The following NTM variants were observed in gnomAD, a reference collection of about 807,000 sequenced individuals.
The protein encoded by NTM is IgLON family member 2.
A neutral mutation model predicts 42.1 loss-of-function variants in NTM; 13 were observed. That is an observed-to-expected ratio of 0.31 (90% CI 0.20 to 0.49). The LOEUF is 0.49. Ranked by LOEUF, NTM falls within the 20% of genes least tolerant of loss-of-function variation. NTM has a pLI of 0.99. For synonymous variants in NTM, 187 were observed against 179.2 expected (o/e 1.04, Z -0.35); for missense variants, 373 against 452.8 (o/e 0.82, Z 1.60).
chr11:132,215,965 C>G (rs1263137328), intron 4 of NTM, among the ~76,000 whole-genome samples: 1 of 152,192 alleles, frequency 6.6e-6, no homozygotes, highest in Non-Finnish European at 1.5e-5. Flanking sequence ...GGTGCACAGG[C>G]ACCGTTGGTG....
At chr11:131,685,237 A>G (rs1188151144) in intron 1 of NTM, among the ~76,000 whole-genome samples, 2 of 151,296 alleles carry the variant, frequency 1.3e-5, no homozygotes, top group African/African-American at 4.9e-5. Context: ...GCACTGCCCA[A>G]CCCCAGTCAG....
At chr11:132,206,264 G>C (rs997673737) in intron 3 of NTM, among the ~76,000 whole-genome samples, 2 of 152,158 alleles carry the variant, frequency 1.3e-5, no homozygotes, top group African/African-American at 4.8e-5. Flanking sequence ...GTCACTGCCT[G>C]TAGGATAGAG....
intron 1 of NTM, among the ~76,000 whole-genome samples, chr11:131,466,384 T>C (rs2136145882): frequency 6.6e-6 from 1 of 152,330 alleles, no homozygotes; most frequent in African/African-American, 2.4e-5. Context: ...TATTATTATC[T>C]CCATCTTAGA....
intron 1 of NTM, among the ~76,000 whole-genome samples, chr11:131,818,028 G>A (rs1011238241): frequency 1.5e-4 from 23 of 152,154 alleles, no homozygotes; most frequent in African/African-American, 5.3e-4. Context: ...GGGGGAGCAG[G>A]GGTGTTGACA....
intron 1 of NTM, among the ~76,000 whole-genome samples, chr11:131,845,337 G>T: frequency 6.6e-6 from 1 of 152,088 alleles, no homozygotes; most frequent in Non-Finnish European, 1.5e-5. Flanking sequence ...GGGGGAGCTT[G>T]TGTTTGTATT....
At chr11:131,794,755 G>C (rs527853320) in intron 1 of NTM, 3 of 985,210 alleles carry the variant, frequency 3.0e-6, no homozygotes, top group Non-Finnish European at 3.6e-6. Context: ...TAGAACAATG[G>C]TGAGCTCCAC....
intron 2 of NTM, among the ~76,000 whole-genome samples, chr11:132,092,288 C>T (rs1486179540): frequency 2.0e-5 from 3 of 152,146 alleles, no homozygotes; most frequent in South Asian, 2.1e-4. Context: ...TACTTGTTGT[C>T]GCTTCTTTTT....
At chr11:131,990,581 TAAC>T (rs1204524159) in intron 2 of NTM, among the ~76,000 whole-genome samples, 15 of 152,196 alleles carry the variant, frequency 9.9e-5, no homozygotes, top group Non-Finnish European at 1.9e-4. Context: ...CACAAAACCT[TAAC>T]AAAATGTTCC....
At chr11:132,323,594 G>A (rs1439988480) in intron 7 of NTM, among the ~76,000 whole-genome samples, 3 of 151,934 alleles carry the variant, frequency 2.0e-5, no homozygotes, top group Non-Finnish European at 2.9e-5. Flanking sequence ...TTCTACCAGA[G>A]GTACAAGGAG....
At chr11:131,395,755 C>T (rs1024712179) in intron 1 of NTM, among the ~76,000 whole-genome samples, 2 of 152,174 alleles carry the variant, frequency 1.3e-5, no homozygotes, top group African/African-American at 2.4e-5. Flanking sequence ...CTGGGAATGG[C>T]GTGGTGGGGT....
At chr11:132,093,432 G>C (rs2060598755) in intron 2 of NTM, among the ~76,000 whole-genome samples, 1 of 152,106 alleles carries the variant, frequency 6.6e-6, no homozygotes, top group African/African-American at 2.4e-5. Flanking sequence ...GTCATTCATT[G>C]TTCCATCCAA....
chr11:132,098,104 T>C (rs560912270), intron 2 of NTM, among the ~76,000 whole-genome samples: 11 of 152,370 alleles, frequency 7.2e-5, no homozygotes, highest in African/African-American at 2.6e-4. Context: ...GCTAGGATAT[T>C]CTTTAATTAT....
In NTM at chr11:132,002,571, C is replaced by T. The variant is rs1432967474; in HGVS notation, c.167+90923C>T. Among the ~76,000 whole-genome samples the T allele has an allele frequency of 6.6e-6, 1 of 152,206 alleles. No homozygotes were observed. The highest frequency in any genetic ancestry group is 1.5e-5 in the Non-Finnish European group (1 of 68,030). On this transcript the variant is annotated intron_variant, in intron 2 of 8. Transcript: ENST00000683400. This position sits in a 1 kb window ranked among gnomAD's most constrained non-coding sequence, Gnocchi z 4.5. ...TGGTGTCTGTCCCCCAAATTGGAGG[C>T]TTCTGGCCATTGCTTGAATAACTTT...
chr11:131,691,598 TCTC>T (rs1310645086), intron 1 of NTM, among the ~76,000 whole-genome samples: 4 of 151,320 alleles, frequency 2.6e-5, no homozygotes, highest in African/African-American at 4.9e-5. Flanking sequence ...CACTGTTTTC[TCTC>T]CTCCTTCTCT....
intron 1 of NTM, among the ~76,000 whole-genome samples, chr11:131,802,092 G>A (rs1272948629): frequency 2.0e-5 from 3 of 152,264 alleles, no homozygotes; most frequent in South Asian, 2.1e-4. Context: ...ATAGGTAAGA[G>A]AGAGTCTCTT....
At chr11:132,087,434 C>T (rs2059861201) in intron 2 of NTM, among the ~76,000 whole-genome samples, 1 of 152,174 alleles carries the variant, frequency 6.6e-6, no homozygotes, top group Admixed American at 6.5e-5. Context: ...CCCTCTGGAT[C>T]CCTCATATCC....
At chr11:131,798,915 G>A (rs928242121) in intron 1 of NTM, among the ~76,000 whole-genome samples, 25 of 152,074 alleles carry the variant, frequency 1.6e-4, no homozygotes, top group Admixed American at 1.3e-3. Context: ...CTATTCGATC[G>A]CTATGGTCCA....
chr11:132,128,027 C>G (rs73593357), intron 2 of NTM, among the ~76,000 whole-genome samples: 9,213 of 152,242 alleles, frequency 0.061, 389 homozygotes, highest in African/African-American at 0.12. Context: ...TATTTGGGCA[C>G]TCTCATCCAT....
chr11:132,269,285 G>T (rs769012216), intron 4 of NTM, among the ~76,000 whole-genome samples: 1 of 152,168 alleles, frequency 6.6e-6, no homozygotes, highest in Non-Finnish European at 1.5e-5. Flanking sequence ...CAATACTAGT[G>T]ATTTTGTTTT....
Sources: allele counts gnomAD v4.1 joint callset (sites outside exome capture counted in the v4.1 genomes callset), GRCh38; gene constraint gnomAD v4.1.1; non-coding constraint Gnocchi (gnomAD v3.1); transcripts MANE v1.5; gene names NCBI Gene and HGNC (gene_info 2026-07-23, HGNC 2026-07-21).